CD300LG: variants seen among roughly 807,000 people sequenced by gnomAD.
CD300LG encodes CD300 molecule like family member g.
CD300LG carries 29 observed loss-of-function variants against 31.5 expected under a neutral mutation model. The observed-to-expected ratio is 0.92, with a 90% CI of 0.68 to 1.25. The LOEUF is 1.25. CD300LG is among the 50% of genes most tolerant of loss of function. CD300LG has a pLI of 0.00. For missense variants in CD300LG, 396 were observed against 417.6 expected (o/e 0.95, Z 0.45); for synonymous variants, 175 against 177.2 (o/e 0.99, Z 0.10).
At chr17:43,849,417 G>A (rs2046285564) in intron 2 of CD300LG, 1 of 164,284 alleles carries the variant, frequency 6.1e-6, no homozygotes, top group Admixed American at 5.9e-5. Flanking sequence ...ACAGGTGCTA[G>A]AGTGCCTGGG....
intron 3 of CD300LG, among the ~76,000 whole-genome samples, chr17:43,853,249 A>G (rs2046412043): frequency 6.6e-6 from 1 of 152,044 alleles, no homozygotes; most frequent in Admixed American, 6.6e-5. Context: ...CAAAGCTCAT[A>G]TTCTGTCTGC....
At chr17:43,858,454 T>G (rs2046586857) in intron 6 of CD300LG, 1 of 985,320 alleles carries the variant, frequency 1.0e-6, no homozygotes, top group South Asian at 4.7e-5. Flanking sequence ...GCTACTGCCT[T>G]CTGGCAACCC....
chr17:43,860,996 C>T (rs1216439419), intron 6 of CD300LG: 10 of 540,468 alleles, frequency 1.9e-5, no homozygotes, highest in Non-Finnish European at 2.1e-5. Context: ...CATCCAGGAG[C>T]TTAGTATTCT....
At chr17:43,856,721 C>T (rs942328061) in intron 5 of CD300LG, among the ~76,000 whole-genome samples, 1 of 152,218 alleles carries the variant, frequency 6.6e-6, no homozygotes, top group African/African-American at 2.4e-5. Flanking sequence ...GCAGCGGTGG[C>T]AACCCTTGGT....
At chr17:43,853,193 G>A (rs2046410955) in intron 3 of CD300LG, among the ~76,000 whole-genome samples, 180 bp downstream of exon 3, 2 of 152,180 alleles carry the variant, frequency 1.3e-5, no homozygotes, top group Admixed American at 1.3e-4. Context: ...CTTGCTCAGG[G>A]TCACACAAGA....
At chr17:43,847,335 A>G (rs2046211764) in intron 1 of CD300LG, 76 bp downstream of exon 1, 1 of 1,501,296 alleles carries the variant, frequency 6.7e-7, no homozygotes, top group Non-Finnish European at 9.1e-7. Flanking sequence ...CTCTTGACTG[A>G]CTGATAGCCC....
chr17:43,857,618 C>T, intron 6 of CD300LG: 2 of 1,141,688 alleles, frequency 1.8e-6, no homozygotes, highest in South Asian at 1.3e-5. Flanking sequence ...GCTGAACCCT[C>T]CAGGGGTGGG....
At chr17:43,860,179 G>A (rs779925797) in intron 6 of CD300LG, among the ~76,000 whole-genome samples, 4 of 152,174 alleles carry the variant, frequency 2.6e-5, no homozygotes, top group Non-Finnish European at 4.4e-5. Context: ...CACCCTGCCC[G>A]GATGGCAGCA....
chr17:43,852,963 C>A lies in CD300LG; in HGVS notation c.431C>A (p.Thr144Lys), dbSNP rs1035057740. 1 of 1,612,916 alleles carries A rather than the reference C, an allele frequency of 6.2e-7. No individual in the cohort carries two copies. The highest frequency in any genetic ancestry group is 8.5e-7 in the Non-Finnish European group (1 of 1,179,470). Reference protein sequence around the residue: ...PSPTFQPLATTRLQPKAKAQQ... With the variant: ...PSPTFQPLATKRLQPKAKAQQ... ...CCCACCTTCCAGCCTCTGGCTACAA[C>A]ACGCCTGCAGCCCAAGGCAAAAGCT... Residue 144 changes from threonine (T) to lysine (K), a missense_variant, in exon 3 of 7, where the codon ACA becomes AAA. Thr to Lys is a moderately conservative substitution (Grantham distance 78, BLOSUM62 -1). Coordinates refer to ENST00000317310, the MANE Select transcript of CD300LG (RefSeq NM_145273.4).
intron 6 of CD300LG, chr17:43,858,217 G>A: frequency 9.1e-7 from 1 of 1,100,982 alleles, no homozygotes; most frequent in Non-Finnish European, 1.1e-6. Context: ...GGCTTAGGAA[G>A]CAGCTGTTGT....
chr17:43,852,873 CG>C (rs34483421), intron 2 of CD300LG, 38 bp from the exon 3 acceptor site: 84,856 of 1,506,102 alleles, frequency 0.056, 2,878 homozygotes, highest in Non-Finnish European at 0.064. Flanking sequence ...GGGTTCAGAG[CG>C]GTGCCACCCC....
At chr17:43,847,764 C>G (rs923356684) in intron 1 of CD300LG, among the ~76,000 whole-genome samples, 11 of 151,858 alleles carry the variant, frequency 7.2e-5, no homozygotes, top group African/African-American at 2.7e-4. Flanking sequence ...ATAGTGAGAC[C>G]CCATCTCTAC....
In CD300LG at chr17:43,863,554, C is replaced by A. The variant is rs143080455; in HGVS notation, c.*1643C>A. 6.6e-6 allele frequency: 1 copy of A among 152,154 alleles called. No individual in the cohort carries two copies. Among genetic ancestry groups the A allele is most frequent in the Admixed American group, 6.6e-5 (1 of 15,266 alleles). The allele number at this position is 152,154 out of a possible 1,614,324, so 9.4% of individuals were successfully genotyped here. A position where few individuals can be genotyped will look rare whatever the true frequency, so the allele number is the denominator to read the frequency against. Reference sequence around the variant, plus strand: ...TTGTATCCTGCCTTTTCCACCTTATCGTTCCATCACTTTATTCCAGCACTT... The same window carrying A: ...TTGTATCCTGCCTTTTCCACCTTATAGTTCCATCACTTTATTCCAGCACTT... On this transcript the variant is annotated 3_prime_UTR_variant, in exon 7 of 7. Coordinates refer to ENST00000317310, the MANE Select transcript of CD300LG (RefSeq NM_145273.4).
rs117542469 is a variant in CD300LG, at chr17:43,852,966, G to A, written c.434G>A (p.Arg145His). 1.0e-4 allele frequency: 169 copies of A among 1,612,202 alleles called. No individual in the cohort carries two copies. Among genetic ancestry groups the A allele is most frequent in the Non-Finnish European group, 1.3e-4 (153 of 1,179,146 alleles). ...ACCTTCCAGCCTCTGGCTACAACAC[G>A]CCTGCAGCCCAAGGCAAAAGCTCAG... is the stretch of plus-strand genomic sequence containing the variant. Reference protein sequence around the residue: ...SPTFQPLATTRLQPKAKAQQT... With the variant: ...SPTFQPLATTHLQPKAKAQQT... The change falls in exon 3 of 7, where the codon CGC (arginine) becomes CAC (histidine). Residue 145 changes from arginine (R) to histidine (H), a missense_variant. Coordinates refer to ENST00000317310, the MANE Select transcript of CD300LG (RefSeq NM_145273.4).
In CD300LG at chr17:43,848,693, G is replaced by A. The variant is rs373847576; in HGVS notation, c.179G>A (p.Arg60His). ...WCRKGGILFS[R>H]CSGTIYAEEE... ...AGGAAGGGTGGGATCCTCTTCTCTC[G>A]CTGCTCTGGCACCATCTATGCAGAA... The change falls in exon 2 of 7, where the codon CGC (arginine) becomes CAC (histidine). Residue 60 changes from arginine (R) to histidine (H), a missense_variant. Transcript: ENST00000317310. 1.1e-5 allele frequency: 17 copies of A among 1,614,002 alleles called. No homozygotes were observed. Among genetic ancestry groups the A allele is most frequent in the South Asian group, 3.3e-5 (3 of 91,088 alleles).
intron 5 of CD300LG, among the ~76,000 whole-genome samples, chr17:43,856,881 T>G (rs2046537447): frequency 2.6e-5 from 4 of 152,222 alleles, no homozygotes; most frequent in African/African-American, 9.6e-5. Flanking sequence ...CCAGCCAGTT[T>G]CTGACCCTCA....
Position 43,855,366 on chromosome 17 carries a change from G to A in CD300LG, c.832+47G>A, listed in dbSNP as rs140391850. 301 of 1,199,106 alleles carry A rather than the reference G, an allele frequency of 2.5e-4. 1 individual carries two copies. In the East Asian group the frequency reaches 7.9e-3, roughly 31 times the overall value. The allele number at this position is 1,199,106 out of a possible 1,614,324, so 74.3% of individuals were successfully genotyped here. On this transcript the variant is annotated intron_variant, in intron 5 of 6. Coordinates refer to ENST00000317310, the MANE Select transcript of CD300LG (RefSeq NM_145273.4). ...GAAGGCGGGAGGCTCACTGGGCCAG[G>A]GACCTCACTGAGACCTGCAGCTCCC...
In CD300LG at chr17:43,856,961, C is replaced by G. The variant is rs913349071; in HGVS notation, c.833-143C>G. ...CAAGGGGCTAAGCTGGAAGGGGCTC[C>G]TCTGCCCATCTGGCTGCCTCCTCCC... On this transcript the variant is annotated intron_variant, in intron 5 of 6. Coordinates refer to ENST00000317310, the MANE Select transcript of CD300LG (RefSeq NM_145273.4). 9.5e-6 allele frequency: 7 copies of G among 734,562 alleles called. No individual in the cohort carries two copies. In the African/African-American group the frequency reaches 1.2e-4, roughly 13 times the overall value. 45.5% of individuals were successfully genotyped at this position (734,562 alleles called of 1,614,324 possible). A position where few individuals can be genotyped will look rare whatever the true frequency, so the allele number is the denominator to read the frequency against.
At chr17:43,855,952 A>AT (rs1190290935) in intron 5 of CD300LG, among the ~76,000 whole-genome samples, 2 of 152,168 alleles carry the variant, frequency 1.3e-5, no homozygotes, top group Non-Finnish European at 2.9e-5. Context: ...TTAATTACTT[A>AT]TTTTTTAGAC....
Sources: gnomAD v4.1 joint callset for allele counts (sites outside exome capture counted in the v4.1 genomes callset) on GRCh38, gnomAD v4.1.1 for gene constraint, MANE v1.5 for transcripts, NCBI Gene and HGNC (gene_info 2026-07-23, HGNC 2026-07-21) for gene names.